The following VPS13B variants were observed in gnomAD, a reference collection of about 807,000 sequenced individuals.
The protein encoded by VPS13B is vacuolar protein sorting 13 homolog B.
A neutral mutation model predicts 426.4 loss-of-function variants in VPS13B; 285 were observed. The observed-to-expected ratio is 0.67, with a 90% CI of 0.61 to 0.74. The LOEUF (loss-of-function observed/expected upper bound fraction) is 0.74, where lower values mean the gene tolerates loss of function less well. Ranked by LOEUF, VPS13B falls within the 30% of genes least tolerant of loss-of-function variation. VPS13B has a pLI of 0.00. For synonymous variants in VPS13B, 1,676 were observed against 1,676.4 expected (o/e 1.00, Z 0.01); for missense variants, 4,537 against 4,782.6 (o/e 0.95, Z 1.51).
chr8:99,126,829 C>T (rs1014780757), intron 8 of VPS13B, among the ~76,000 whole-genome samples: 16 of 152,202 alleles, frequency 1.1e-4, no homozygotes, highest in Admixed American at 7.9e-4. Flanking sequence ...CACAGTGGCT[C>T]ATGCCTATAA....
intron 30 of VPS13B, among the ~76,000 whole-genome samples, chr8:99,538,403 G>GT (rs1450694628): frequency 6.6e-6 from 1 of 151,660 alleles, no homozygotes; most frequent in South Asian, 2.1e-4. Context: ...TTGCTTTTGG[G>GT]TTTTTTTAAA....
intron 22 of VPS13B, among the ~76,000 whole-genome samples, chr8:99,438,082 G>C (rs1817488388): frequency 7.7e-6 from 1 of 129,218 alleles, no homozygotes; most frequent in Non-Finnish European, 1.6e-5. Context: ...TGAGTGGACT[G>C]AAGTCTTCTG....
intron 35 of VPS13B, among the ~76,000 whole-genome samples, chr8:99,690,582 T>C (rs1831612594): frequency 6.6e-6 from 1 of 152,114 alleles, no homozygotes; most frequent in South Asian, 2.1e-4. Context: ...ATCTGATATT[T>C]GCAAATCATG....
chr8:99,044,901 A>ACACCACCC, intron 3 of VPS13B, among the ~76,000 whole-genome samples: 1 of 99,468 alleles, frequency 1.0e-5, no homozygotes, highest in South Asian at 3.5e-4. Context: ...CACACACACC[A>ACACCACCC]CCCCCCGCCC....
rs75541402 is a variant in VPS13B, at chr8:99,851,306, A to G, written c.10062-2145A>G. The stretch of plus-strand genomic sequence containing the variant: ...CCTAGCATGGGATGAGGATACATCC[A>G]TAAATAAAAAGGCCCAATCCCTTCC... On this transcript the variant is annotated intron_variant, in intron 55 of 61. Coordinates refer to ENST00000357162, the MANE Select transcript of VPS13B (RefSeq NM_152564.5). Among the ~76,000 whole-genome samples the G allele has an allele frequency of 1.5e-4, 23 of 152,356 alleles. No individual in the cohort carries two copies. In the East Asian group the frequency reaches 4.4e-3, roughly 29 times the overall value.
At chr8:99,575,543 AAAT>A in intron 31 of VPS13B, 112 bp from the exon 32 acceptor site, 2 of 1,335,698 alleles carry the variant, frequency 1.5e-6, no homozygotes, top group Non-Finnish European at 2.1e-6. Flanking sequence ...GGCACTCTCA[AAAT>A]AATAATGTAA....
chr8:99,077,467 G>A (rs1000747175), intron 3 of VPS13B, among the ~76,000 whole-genome samples: 1 of 151,732 alleles, frequency 6.6e-6, no homozygotes, highest in African/African-American at 2.4e-5. Flanking sequence ...CCCGTGCCTG[G>A]CCTGCTCTTT....
intron 3 of VPS13B, among the ~76,000 whole-genome samples, chr8:99,082,155 T>C (rs1259713538): frequency 4.6e-5 from 7 of 152,260 alleles, no homozygotes; most frequent in Non-Finnish European, 4.4e-5. Context: ...AGTGCCATTC[T>C]AACTGGTATG....
At chr8:99,067,402 C>A (rs1324265812) in intron 3 of VPS13B, among the ~76,000 whole-genome samples, 1 of 152,098 alleles carries the variant, frequency 6.6e-6, no homozygotes, top group African/African-American at 2.4e-5. Context: ...GATAGAAAAC[C>A]AAACACCGCA....
At chr8:99,134,369 AC>A (rs1809960234) in intron 8 of VPS13B, among the ~76,000 whole-genome samples, 2 of 152,174 alleles carry the variant, frequency 1.3e-5, no homozygotes, top group Non-Finnish European at 2.9e-5. Flanking sequence ...CTGTTATTGC[AC>A]ACAGCTTTCA....
intron 19 of VPS13B, chr8:99,340,546 C>G (rs991091208): frequency 1.3e-5 from 6 of 469,848 alleles, no homozygotes; most frequent in Middle Eastern, 3.8e-4. Flanking sequence ...GTGGAGGTGT[C>G]TGGTCACCTG....
chr8:99,846,614 G>C (rs1242458109), intron 54 of VPS13B, among the ~76,000 whole-genome samples: 1 of 152,178 alleles, frequency 6.6e-6, no homozygotes, highest in African/African-American at 2.4e-5. Context: ...TAAAGTCTGT[G>C]TTTCTTCCAT....
intron 2 of VPS13B, 90 bp from the exon 3 acceptor site, chr8:99,038,333 G>A (rs1842832999): frequency 9.0e-7 from 1 of 1,105,972 alleles, no homozygotes; most frequent in East Asian, 2.7e-5. Context: ...TCTTGTGTTG[G>A]AAATTTTATT....
Position 99,784,464 on chromosome 8 carries a change from C to G in VPS13B, c.7929C>G (p.His2643Gln). ...LHSHQYSWRSHKSPQLLHICI... is the reference protein window; with the variant it reads ...LHSHQYSWRSQKSPQLLHICI... ...GTCACCAGTACAGCTGGCGCTCTCA[C>G]AAATCCCCACAGGTATTTGAGAAAC... The change falls in exon 43 of 62, where the codon CAC becomes CAG. Residue 2643 changes from histidine (H) to glutamine (Q), a missense_variant. Physicochemically the swap from His to Gln is conservative, Grantham distance 24. Around this residue, in one of 2 missense-constraint regions of VPS13B, gnomAD observed 4,311 missense variants for 4,474.3 expected, o/e 0.96. Transcript: ENST00000357162. 1 of 1,613,632 alleles carries G rather than the reference C, an allele frequency of 6.2e-7. No individual in the cohort carries two copies. Among genetic ancestry groups the G allele is most frequent in the Non-Finnish European group, 8.5e-7 (1 of 1,179,638 alleles).
At chr8:99,163,748 C>T (rs535044742) in intron 15 of VPS13B, among the ~76,000 whole-genome samples, 2 of 151,926 alleles carry the variant, frequency 1.3e-5, no homozygotes, top group Admixed American at 1.3e-4. Flanking sequence ...CTGCAAGCGC[C>T]GCACACAGCC....
intron 54 of VPS13B, among the ~76,000 whole-genome samples, chr8:99,848,010 C>T (rs1255478530): frequency 6.6e-6 from 1 of 152,108 alleles, no homozygotes; most frequent in Non-Finnish European, 1.5e-5. Context: ...GAGGTTTTTG[C>T]CCCTACCCTC....
At chr8:99,222,187 T>A (rs533129357) in intron 17 of VPS13B, among the ~76,000 whole-genome samples, 46 of 152,318 alleles carry the variant, frequency 3.0e-4, no homozygotes, top group African/African-American at 1.1e-3. Context: ...AACACTGATT[T>A]GCTTAGCTTA....
intron 43 of VPS13B, among the ~76,000 whole-genome samples, chr8:99,790,665 A>T (rs1252001516): frequency 1.2e-4 from 18 of 152,184 alleles, no homozygotes; most frequent in Admixed American, 1.2e-3. Flanking sequence ...GGGAACCCAA[A>T]GGAAATGTTT....
At chr8:99,265,659 C>G (rs976726313) in intron 17 of VPS13B, among the ~76,000 whole-genome samples, 2 of 152,088 alleles carry the variant, frequency 1.3e-5, no homozygotes, top group Admixed American at 1.3e-4. Context: ...TTAAGAAAAA[C>G]GATCTGTAGT....
Sources: gnomAD v4.1 joint callset for allele counts (sites outside exome capture counted in the v4.1 genomes callset) on GRCh38, gnomAD v4.1.1 for gene constraint, gnomAD v4.1.1 regional missense constraint, MANE v1.5 for transcripts, NCBI Gene and HGNC (gene_info 2026-07-23, HGNC 2026-07-21) for gene names.